The following ORC4 variants were observed in gnomAD, a reference collection of about 807,000 sequenced individuals.
ORC4 encodes origin recognition complex, subunit 4 homolog.
In ORC4, 55 loss-of-function variants were observed where a neutral mutation model predicts 63.9. That is an observed-to-expected ratio of 0.86 (90% confidence interval 0.69 to 1.08). The LOEUF (loss-of-function observed/expected upper bound fraction) is 1.08. Among genes scored for constraint, ORC4 ranks in the 50% least tolerant of loss-of-function variants. The pLI is 0.00. For missense variants in ORC4, 511 were observed against 504.4 expected (o/e 1.01, Z -0.13); for synonymous variants, 150 against 168.5 (o/e 0.89, Z 0.85).
At chr2:148,006,262 CCCACAG>C (rs1692622440) in intron 1 of ORC4, among the ~76,000 whole-genome samples, 2 of 151,956 alleles carry the variant, frequency 1.3e-5, no homozygotes, top group South Asian at 2.1e-4. Flanking sequence ...TCTGCTGGTG[CCCACAG>C]AAGGAGCATT....
intron 1 of ORC4, among the ~76,000 whole-genome samples, chr2:148,013,307 G>A (rs948485138): frequency 2.6e-5 from 4 of 152,086 alleles, no homozygotes; most frequent in African/African-American, 7.2e-5. Flanking sequence ...CATTATAAGG[G>A]AAATAAGCCA....
At position 147,939,203 on chromosome 2, in the gene ORC4, C is replaced by A. The variant is rs1391174691; in HGVS notation, c.895G>T (p.Ala299Ser). The change falls in exon 11 of 14, where the codon GCC becomes TCC. Residue 299 changes from alanine to serine, a missense_variant. Transcript: ENST00000392857. ...TGGCTTGCTTCCATTAGATCTACGG[C>A]AGTCATAAATGGGTGCGATGCTGTT... ...RVTASHPFMT[A>S]VDLMEASQLC... 6.2e-7 allele frequency: 1 copy of A among 1,613,114 alleles called. No individual in the cohort carries two copies. Among genetic ancestry groups the A allele is most frequent in the Non-Finnish European group, 8.5e-7 (1 of 1,179,222 alleles).
chr2:148,005,337 G>A (rs374378671), intron 1 of ORC4, among the ~76,000 whole-genome samples: 3 of 152,068 alleles, frequency 2.0e-5, no homozygotes, highest in African/African-American at 7.2e-5. Context: ...GTTCCCATAA[G>A]TGGGAGCTGA....
intron 1 of ORC4, among the ~76,000 whole-genome samples, chr2:147,992,455 T>C (rs1477355750): frequency 1.3e-5 from 2 of 152,088 alleles, no homozygotes; most frequent in Non-Finnish European, 2.9e-5. Context: ...GGTTGCATTA[T>C]ATGGGACACA....
intron 1 of ORC4, among the ~76,000 whole-genome samples, chr2:147,992,020 GAACT>G (rs1198004479): frequency 5.3e-5 from 8 of 152,130 alleles, no homozygotes; most frequent in Non-Finnish European, 1.0e-4. Context: ...GCTAACAAAA[GAACT>G]AACACAAATT....
intron 8 of ORC4, among the ~76,000 whole-genome samples, chr2:147,950,696 T>C (rs1284979892): frequency 7.2e-6 from 1 of 139,206 alleles, no homozygotes; most frequent in Non-Finnish European, 1.5e-5. Context: ...ACCCCGAAGG[T>C]GGAGGTTGCA....
intron 6 of ORC4, among the ~76,000 whole-genome samples, chr2:147,957,248 A>C (rs1292994015): frequency 6.8e-6 from 1 of 147,364 alleles, no homozygotes; most frequent in East Asian, 1.9e-4. Flanking sequence ...ATAATTAATA[A>C]TTTTATAGAG....
intron 8 of ORC4, among the ~76,000 whole-genome samples, chr2:147,948,646 T>C (rs899982603): frequency 6.6e-6 from 1 of 150,866 alleles, no homozygotes; most frequent in Admixed American, 6.6e-5. Flanking sequence ...AAATGCAACA[T>C]GGCATTCGTA....
At chr2:148,013,368 A>G (rs10187392) in intron 1 of ORC4, among the ~76,000 whole-genome samples, 13,010 of 152,240 alleles carry the variant, frequency 0.085, 1,575 homozygotes, top group African/African-American at 0.27. Context: ...GGAAGCTTCA[A>G]AAAAATTGAA....
rs1248546121 is a variant in ORC4 at position 147,945,482 on chromosome 2, T to G, written c.763-1960A>C. 2.0e-5 allele frequency among the ~76,000 whole-genome samples: 3 copies of G among 151,958 alleles called. No homozygotes were observed. In the East Asian group the frequency reaches 5.8e-4, roughly 29 times the overall value. ...TCTTGATTCAAACACTATACTCTAT[T>G]TGAGGATAAGGCTATTATCAACAAC... is the stretch of plus-strand genomic sequence containing the variant. On this transcript the variant is annotated intron_variant, in intron 9 of 13. Coordinates refer to ENST00000392857, the MANE Select transcript of ORC4 (RefSeq NM_181741.4).
intron 1 of ORC4, among the ~76,000 whole-genome samples, chr2:147,997,075 A>G (rs1197390694): frequency 6.6e-6 from 1 of 152,222 alleles, no homozygotes; most frequent in Non-Finnish European, 1.5e-5. Context: ...CTCAGCATGT[A>G]AAAGAAATAA....
At chr2:147,976,999 G>A (rs1690597113) in intron 1 of ORC4, among the ~76,000 whole-genome samples, 1 of 152,040 alleles carries the variant, frequency 6.6e-6, no homozygotes, top group African/African-American at 2.4e-5. Context: ...TTTCCTATAG[G>A]AATAAATTTT....
chr2:147,969,445 G>T (rs1432155315), intron 4 of ORC4, among the ~76,000 whole-genome samples: 2 of 152,014 alleles, frequency 1.3e-5, no homozygotes, highest in Admixed American at 1.3e-4. Flanking sequence ...GTATAAAAAG[G>T]TTAATTACTA....
chr2:147,996,416 G>C (rs1573872626), intron 1 of ORC4, among the ~76,000 whole-genome samples: 1 of 152,148 alleles, frequency 6.6e-6, no homozygotes, highest in Non-Finnish European at 1.5e-5. Context: ...TACAATCCAT[G>C]AAAGAAAATA....
At chr2:147,942,692 G>A (rs1688432048) in intron 10 of ORC4, among the ~76,000 whole-genome samples, 1 of 151,896 alleles carries the variant, frequency 6.6e-6, no homozygotes, top group Non-Finnish European at 1.5e-5. Flanking sequence ...AACAAGAAAG[G>A]ATGTCCACTC....
intron 1 of ORC4, among the ~76,000 whole-genome samples, chr2:148,010,727 G>A (rs1312483018): frequency 1.3e-5 from 2 of 151,900 alleles, no homozygotes; most frequent in African/African-American, 4.8e-5. Flanking sequence ...AAAAGGCCAG[G>A]ACTTCATGGC....
chr2:147,971,260 T>C (rs1690191338), intron 4 of ORC4, among the ~76,000 whole-genome samples: 3 of 151,836 alleles, frequency 2.0e-5, no homozygotes, highest in Admixed American at 2.0e-4. Flanking sequence ...AATCTTCTGC[T>C]CTGCCAAAGA....
At chr2:147,974,998 G>A (rs1381345680) in intron 2 of ORC4, among the ~76,000 whole-genome samples, 8 of 152,020 alleles carry the variant, frequency 5.3e-5, no homozygotes, top group Non-Finnish European at 1.0e-4. Context: ...TGGAGGATTC[G>A]TGCACTTTAC....
Position 147,958,793 on chromosome 2 carries a change from T to C in ORC4, c.299A>G (p.Asn100Ser), listed in dbSNP as rs548153546. Residue 100 changes from asparagine to serine, a missense_variant and splice_region_variant, in exon 5 of 14, where the codon AAT (asparagine) becomes AGT (serine). Coordinates refer to ENST00000392857, the MANE Select transcript of ORC4 (RefSeq NM_181741.4). ...VSENVLQVHL[N>S]GLLQINDKIA... ...TGGCAAAATAATGGCATACTTACCATTTAAGTGAACTTGTAATACATTTTC... is the reference window on the plus strand; with the variant it reads ...TGGCAAAATAATGGCATACTTACCACTTAAGTGAACTTGTAATACATTTTC... The C allele has an allele frequency of 2.1e-6, 3 of 1,435,652 alleles. No homozygotes were observed. Among genetic ancestry groups the C allele is most frequent in the African/African-American group, 2.8e-5 (2 of 71,622 alleles). 88.9% of individuals were successfully genotyped at this position (1,435,652 alleles called of 1,614,324 possible).
Sources: allele counts gnomAD v4.1 joint callset (sites outside exome capture counted in the v4.1 genomes callset), GRCh38; gene constraint gnomAD v4.1.1; transcripts MANE v1.5; gene names NCBI Gene and HGNC (gene_info 2026-07-23, HGNC 2026-07-21).